Variants in MYH13 observed in about 807,000 individuals in gnomAD.
The protein encoded by MYH13 is myosin-13.
Under a neutral mutation model 232.1 loss-of-function variants are expected in MYH13, and 177 were observed. The observed-to-expected ratio is 0.76, with a 90% CI of 0.67 to 0.86. The LOEUF is 0.86. Ranked by LOEUF, MYH13 falls within the 40% of genes least tolerant of loss-of-function variation. The pLI, the probability that MYH13 is intolerant of heterozygous loss-of-function variation, is 0.00. For missense variants in MYH13, 2,246 were observed against 2,405.9 expected, an observed-to-expected ratio of 0.93 and a Z score of 1.39; for synonymous variants, 884 against 923.5, an observed-to-expected ratio of 0.96 and a Z score of 0.78.
intron 11 of MYH13, 54 bp from the exon 12 acceptor site, chr17:10,350,748 G>A (rs2071703050): frequency 6.2e-7 from 1 of 1,607,460 alleles, no homozygotes; most frequent in African/African-American, 1.3e-5. Context: ...TCCATATGCA[G>A]CCTTTTCTTG....
In MYH13 at chr17:10,312,739, C is replaced by G. The variant is rs201095259; in HGVS notation, c.4200G>C (p.Arg1400Ser). 1.9e-4 allele frequency: 310 copies of G among 1,607,482 alleles called. 1 individual carries two copies. The highest frequency in any genetic ancestry group is 1.3e-3 in the Admixed American group (75 of 58,272). The change falls in exon 31 of 41, where the codon AGG (arginine) becomes AGC (serine). Residue 1400 changes from arginine (R) to serine (S), a missense_variant. Physicochemically the swap from Arg to Ser is moderately radical, Grantham distance 110. Coordinates refer to ENST00000252172, the MANE Select transcript of MYH13 (RefSeq NM_003802.3). ...LEEAKKKLAQ[R>S]LQEAEENTET... is the part of the protein sequence containing the mutation. ...CCGTGTTCTCCTCTGCTTCCTGGAG[C>G]CTCTGGGCCAGTTTTTTCCTACGAA...
At chr17:10,313,557 T>C (rs1346658393) in intron 29 of MYH13, among the ~76,000 whole-genome samples, 1 of 152,062 alleles carries the variant, frequency 6.6e-6, no homozygotes, top group Non-Finnish European at 1.5e-5. Context: ...AACAAAAGAG[T>C]AAACTGTCAC....
intron 2 of MYH13, among the ~76,000 whole-genome samples, chr17:10,368,041 T>C (rs997628357): frequency 1.3e-5 from 2 of 152,214 alleles, no homozygotes; most frequent in Non-Finnish European, 2.9e-5. Flanking sequence ...TGGATCTTCT[T>C]TTCCCATATG....
intron 32 of MYH13, 52 bp downstream of exon 32, chr17:10,311,859 T>C (rs1906518250): frequency 6.2e-7 from 1 of 1,603,094 alleles, no homozygotes; most frequent in Admixed American, 1.7e-5. Context: ...GGGGAAGGGG[T>C]TGGCAGGAGG....
intron 35 of MYH13, among the ~76,000 whole-genome samples, chr17:10,307,543 G>A (rs1407398008): frequency 6.6e-6 from 1 of 151,874 alleles, no homozygotes; most frequent in Non-Finnish European, 1.5e-5. Context: ...CTACAAATGG[G>A]TAAAATACTA....
In MYH13 at chr17:10,333,012, C is replaced by T. The variant is rs937878570; in HGVS notation, c.2174+62G>A. 35 of 1,324,432 alleles carry T rather than the reference C, an allele frequency of 2.6e-5. No individual in the cohort carries two copies. In the South Asian group the frequency reaches 3.9e-4, roughly 15 times the overall value. The allele number at this position is 1,324,432 out of a possible 1,614,324, so 82.0% of individuals were successfully genotyped here. On this transcript the variant is annotated intron_variant, in intron 19 of 40. Transcript: ENST00000252172. ...ACCAAATACCCAGGTCAAGAAATGT[C>T]TTAGGGAAATGCAAAAGGTGCCCTC...
At chr17:10,318,686 T>C (rs1234211471) in intron 27 of MYH13, 104 bp downstream of exon 27, 11 of 1,430,690 alleles carry the variant, frequency 7.7e-6, no homozygotes, top group South Asian at 1.3e-5. Flanking sequence ...AGGGTTTCAG[T>C]GTAGAACATG....
Position 10,313,286 on chromosome 17 carries a change from A to T in MYH13, c.4053T>A (p.Tyr1351Ter), listed in dbSNP as rs1393616202. Residue 1351 changes from tyrosine to a stop codon, truncating the protein, a stop_gained, in exon 30 of 41, where the codon TAT becomes TAA. Coordinates refer to ENST00000252172, the MANE Select transcript of MYH13 (RefSeq NM_003802.3). LOFTEE classifies it high-confidence loss of function. ...CGGCCTTGGCTTCCTGCTCCTCCTC[A>T]TACTGTTCCCGCAGCAGGTCACAGT... Reference protein sequence around the residue: ...RHDCDLLREQYEEEQEAKAEL... With the variant: ...RHDCDLLREQ 6.2e-7 allele frequency: 1 copy of T among 1,614,164 alleles called. No individual in the cohort carries two copies. Among genetic ancestry groups the T allele is most frequent in the Admixed American group, 1.7e-5 (1 of 60,028 alleles).
At position 10,303,512 on chromosome 17, in the gene MYH13, A is replaced by G. The variant is rs751711488; in HGVS notation, c.5467-14T>C. ...CAGCTCCCGCACCTGAGTAGGATGAAAGGAACACAGAATTCAAATCTCCTC... is the reference window on the plus strand; with the variant it reads ...CAGCTCCCGCACCTGAGTAGGATGAGAGGAACACAGAATTCAAATCTCCTC... On this transcript the variant is annotated splice_polypyrimidine_tract_variant and intron_variant, in intron 37 of 40. Coordinates refer to ENST00000252172, the MANE Select transcript of MYH13 (RefSeq NM_003802.3). The G allele has an allele frequency of 6.2e-7, 1 of 1,609,646 alleles. No individual in the cohort carries two copies. Among genetic ancestry groups the G allele is most frequent in the Non-Finnish European group, 8.5e-7 (1 of 1,175,904 alleles).
rs138736141 is a variant in MYH13 at position 10,369,524 on chromosome 17, T to C, written c.-13+1685A>G. On this transcript the variant is annotated intron_variant, in intron 2 of 40. Transcript: ENST00000252172. ...ATGTAAATACAAATATTAAGTAAAT[T>C]GACAGTATTGGTGTTAACATGGCTA... 2.3e-4 allele frequency among the ~76,000 whole-genome samples: 35 copies of C among 152,284 alleles called. No homozygotes were observed. In the East Asian group the frequency reaches 6.4e-3, roughly 28 times the overall value.
chr17:10,308,009 A>G (rs1324017720), intron 35 of MYH13, among the ~76,000 whole-genome samples: 1 of 152,204 alleles, frequency 6.6e-6, no homozygotes, highest in South Asian at 2.1e-4. Flanking sequence ...TTCTGTCATT[A>G]AAAATCATAT....
At chr17:10,353,265 T>C (rs1035342346) in intron 11 of MYH13, among the ~76,000 whole-genome samples, 1 of 152,228 alleles carries the variant, frequency 6.6e-6, no homozygotes, top group Non-Finnish European at 1.5e-5. Context: ...AAATAAACTC[T>C]GCTAAATTTA....
chr17:10,367,179 G>A (rs944597766), intron 2 of MYH13, among the ~76,000 whole-genome samples: 1 of 152,130 alleles, frequency 6.6e-6, no homozygotes, highest in Non-Finnish European at 1.5e-5. Flanking sequence ...TGTGGTTTCA[G>A]GACGCCTTCG....
intron 18 of MYH13, among the ~76,000 whole-genome samples, chr17:10,333,919 AAAG>A (rs1315998157): frequency 2.6e-5 from 4 of 151,926 alleles, no homozygotes; most frequent in Admixed American, 1.3e-4. Context: ...AAAAAAAAAA[AAAG>A]AAGAGGCCGT....
At chr17:10,301,103 T>C (rs777952198) in intron 40 of MYH13, 138 bp from the exon 41 acceptor site, 1 of 812,376 alleles carries the variant, frequency 1.2e-6, no homozygotes, top group Non-Finnish European at 2.0e-6. Flanking sequence ...CCTTTGAACA[T>C]TGTAAAAGCA....
chr17:10,369,319 A>G (rs11658620), intron 2 of MYH13, among the ~76,000 whole-genome samples: 24,711 of 152,194 alleles, frequency 0.16, 2,461 homozygotes, highest in Non-Finnish European at 0.23. Context: ...ACATCCATGT[A>G]TTCTATGATA....
At chr17:10,363,247 C>T (rs1456860663) in intron 3 of MYH13, among the ~76,000 whole-genome samples, 1 of 135,558 alleles carries the variant, frequency 7.4e-6, no homozygotes, top group Admixed American at 8.8e-5. Flanking sequence ...ATCCGGGAGG[C>T]GGAGCTTGCA....
At chr17:10,356,618 G>T (rs1435053928) in intron 8 of MYH13, among the ~76,000 whole-genome samples, 1 of 152,178 alleles carries the variant, frequency 6.6e-6, no homozygotes, top group Non-Finnish European at 1.5e-5. Context: ...AGGGTACAAA[G>T]AACATATCCA....
Position 10,300,976 on chromosome 17 carries a change from A to G in MYH13, c.5803-11T>C, listed in dbSNP as rs1433116457. On this transcript the variant is annotated splice_polypyrimidine_tract_variant and intron_variant, in intron 40 of 40. Coordinates refer to ENST00000252172, the MANE Select transcript of MYH13 (RefSeq NM_003802.3). ...TCATTCTTCCATCTTCTGTGGGAGAAAAAAATAATTGTACATAGGAAATGA... is the reference window on the plus strand; with the variant it reads ...TCATTCTTCCATCTTCTGTGGGAGAGAAAAATAATTGTACATAGGAAATGA... 2 of 1,612,538 alleles carry G rather than the reference A, an allele frequency of 1.2e-6. No individual in the cohort carries two copies. Among genetic ancestry groups the G allele is most frequent in the Admixed American group, 1.7e-5 (1 of 59,950 alleles).
Sources: allele counts gnomAD v4.1 joint callset (sites outside exome capture counted in the v4.1 genomes callset), GRCh38; gene constraint gnomAD v4.1.1; transcripts MANE v1.5; gene names NCBI Gene and HGNC (gene_info 2026-07-23, HGNC 2026-07-21).